Variants in RANBP2 observed in about 807,000 individuals in gnomAD.
RANBP2 encodes RAN binding protein 2.
In RANBP2, 57 loss-of-function variants were observed where a neutral mutation model predicts 303.6. The observed-to-expected ratio is 0.19, with a 90% CI of 0.15 to 0.23. The LOEUF is 0.23. Among genes scored for constraint, RANBP2 ranks in the 10% least tolerant of loss-of-function variants. The pLI is 1.00. For synonymous variants in RANBP2, 1,167 were observed against 1,301.5 expected (o/e 0.90, Z 2.23); for missense variants, 3,138 against 3,780.8 (o/e 0.83, Z 4.46).
At chr2:109,654,053 C>A in the RANBP2 span, among the ~76,000 whole-genome samples, 1 of 152,106 alleles carries the variant, frequency 6.6e-6, no homozygotes, top group East Asian at 1.9e-4. Flanking sequence ...GGCAATTACT[C>A]CAGGTGAGGT....
At chr2:109,084,160 T>C in the RANBP2 span, among the ~76,000 whole-genome samples, 2 of 152,326 alleles carry the variant, frequency 1.3e-5, no homozygotes, top group African/African-American at 4.8e-5. Flanking sequence ...AAACTCCTCC[T>C]TCTTTTTCTG....
the RANBP2 span, among the ~76,000 whole-genome samples, chr2:109,061,498 C>T: frequency 6.6e-6 from 1 of 151,998 alleles, no homozygotes; most frequent in African/African-American, 2.4e-5. Context: ...GCCCTCAGGG[C>T]CCCTGGACTT....
the RANBP2 span, among the ~76,000 whole-genome samples, chr2:109,174,490 G>A: frequency 6.6e-6 from 1 of 152,232 alleles, no homozygotes; most frequent in African/African-American, 2.4e-5. Flanking sequence ...TCACTTGGCT[G>A]CTGCCAGGCC....
chr2:109,306,495 G>A, the RANBP2 span, among the ~76,000 whole-genome samples: 2 of 152,220 alleles, frequency 1.3e-5, no homozygotes, highest in Admixed American at 1.3e-4. Context: ...GCCATGGAGG[G>A]GCAGGGCAGG....
the RANBP2 span, chr2:109,432,576 C>T: frequency 6.2e-7 from 1 of 1,613,576 alleles, no homozygotes; most frequent in Non-Finnish European, 8.5e-7. Context: ...TGTACCGGGT[C>T]CTCGAGAAGT....
At chr2:109,733,070 C>T in the RANBP2 span, 33 of 552,466 alleles carry the variant, frequency 6.0e-5, no homozygotes, top group Non-Finnish European at 5.1e-5. Context: ...GTCTTGTAGC[C>T]GGAGCAGGTC....
At chr2:109,424,660 A>G in the RANBP2 span, among the ~76,000 whole-genome samples, 2 of 152,146 alleles carry the variant, frequency 1.3e-5, no homozygotes, top group Non-Finnish European at 2.9e-5. Context: ...CGTTACTGTT[A>G]TGGAGTTGTT....
At chr2:108,795,233 C>T in the RANBP2 span, among the ~76,000 whole-genome samples, 3 of 132,994 alleles carry the variant, frequency 2.3e-5, no homozygotes, top group Non-Finnish European at 4.6e-5. Context: ...TGGCTCACTG[C>T]GGCCTCCGCC....
At chr2:109,193,160 T>A in the RANBP2 span, among the ~76,000 whole-genome samples, 9 of 152,274 alleles carry the variant, frequency 5.9e-5, 1 homozygote, top group South Asian at 1.9e-3. Flanking sequence ...AGGCCAGAGG[T>A]CTCACATTTT....
chr2:109,462,142 C>T, the RANBP2 span, among the ~76,000 whole-genome samples: 1 of 150,042 alleles, frequency 6.7e-6, no homozygotes, highest in African/African-American at 2.5e-5. Context: ...TTCTTGCTCA[C>T]TAGGTCCAGT....
chr2:109,090,412 C>T, the RANBP2 span, among the ~76,000 whole-genome samples: 4 of 151,672 alleles, frequency 2.6e-5, no homozygotes, highest in Admixed American at 2.0e-4. Flanking sequence ...TGAAAAGTCC[C>T]TAGCAAGATA....
chr2:109,671,547 T>C, the RANBP2 span, among the ~76,000 whole-genome samples: 1 of 152,142 alleles, frequency 6.6e-6, no homozygotes, highest in Admixed American at 6.5e-5. Flanking sequence ...TCCTCCCCCT[T>C]CTCCTGGAGA....
the RANBP2 span, among the ~76,000 whole-genome samples, chr2:109,326,116 C>T: frequency 3.3e-5 from 5 of 152,330 alleles, no homozygotes; most frequent in East Asian, 3.9e-4. Context: ...AGGACACACA[C>T]GTATGTGGGT....
chr2:108,876,317 G>C, the RANBP2 span: 3 of 893,554 alleles, frequency 3.4e-6, no homozygotes, highest in Non-Finnish European at 5.0e-6. Context: ...AATTACCAAA[G>C]TAACTACAAT....
chr2:108,724,294 T>C (rs1277928046), intron 1 of RANBP2, among the ~76,000 whole-genome samples: 2 of 152,144 alleles, frequency 1.3e-5, no homozygotes, highest in Admixed American at 6.5e-5. Context: ...TCCTGAGTAG[T>C]GGGATTACAG....
At chr2:109,760,699 C>T in the RANBP2 span, among the ~76,000 whole-genome samples, 2 of 145,792 alleles carry the variant, frequency 1.4e-5, no homozygotes, top group South Asian at 2.2e-4. Context: ...GCGGCGGCGG[C>T]GACGCTGACA....
At chr2:109,122,967 G>C in the RANBP2 span, among the ~76,000 whole-genome samples, 5 of 152,152 alleles carry the variant, frequency 3.3e-5, no homozygotes, top group African/African-American at 1.2e-4. Context: ...ACCTCAAGTT[G>C]TGTCTTAGGC....
the RANBP2 span, among the ~76,000 whole-genome samples, chr2:109,085,912 A>G: frequency 2.0e-5 from 3 of 152,068 alleles, no homozygotes; most frequent in Non-Finnish European, 2.9e-5. Context: ...GCCCATCAAA[A>G]CCATTTTTAA....
the RANBP2 span, among the ~76,000 whole-genome samples, chr2:109,335,334 T>C: frequency 2.0e-5 from 3 of 152,220 alleles, no homozygotes; most frequent in African/African-American, 7.2e-5. Context: ...AGTTTCCACA[T>C]TGAAAACTCT....
Sources: allele counts gnomAD v4.1 joint callset (sites outside exome capture counted in the v4.1 genomes callset), GRCh38; gene constraint gnomAD v4.1.1; transcripts MANE v1.5; gene names NCBI Gene and HGNC (gene_info 2026-07-23, HGNC 2026-07-21).